The following RNF220 variants were observed in gnomAD, a reference collection of about 807,000 sequenced individuals.
RNF220 encodes E3 ubiquitin-protein ligase RNF220.
In RNF220, 7 loss-of-function variants were observed where a neutral mutation model predicts 67.1. The observed-to-expected ratio is 0.10, with a 90% CI of 0.06 to 0.20. The LOEUF is 0.20. RNF220 is among the 10% of genes least tolerant of loss of function. The pLI is 1.00. For missense variants in RNF220, 565 were observed against 740.3 expected (o/e 0.76, Z 2.75); for synonymous variants, 270 against 283.2 (o/e 0.95, Z 0.47).
At chr1:44,461,617 T>C (rs1653767777) in intron 2 of RNF220, among the ~76,000 whole-genome samples, 1 of 152,230 alleles carries the variant, frequency 6.6e-6, no homozygotes, top group African/African-American at 2.4e-5. Context: ...TGTCCTGGTA[T>C]ATAAATGGCT....
rs761724905 is a variant in RNF220 at position 44,626,443 on chromosome 1, G to A, written c.906+45G>A. 14 of 1,495,638 alleles carry A rather than the reference G, an allele frequency of 9.4e-6. No individual in the cohort carries two copies. The South Asian group carries it at 1.4e-4, about 15-fold the overall frequency. 92.6% of individuals were successfully genotyped at this position (1,495,638 alleles called of 1,614,324 possible). The stretch of plus-strand genomic sequence containing the variant: ...GGCCATGAGAAGCAAGCTCACCTGG[G>A]GGAGGGCTTCAAGAGCCTGCCCGGT... On this transcript the variant is annotated intron_variant, in intron 5 of 14. Transcript: ENST00000361799.
In RNF220 at chr1:44,464,588, G is replaced by C. The variant is rs138635046; in HGVS notation, c.625+51866G>C. On this transcript the variant is annotated intron_variant, in intron 2 of 14. Transcript: ENST00000361799. ...CACATCTGTGTGGCAGAGAAGATGG[G>C]AGGCAGAGGAATGAAGGGAATGGAT... Among the ~76,000 whole-genome samples, 1,240 of 152,296 alleles carry C rather than the reference G, an allele frequency of 8.1e-3. 7 individuals are homozygous for C. Among genetic ancestry groups the C allele is most frequent in the Middle Eastern group, 0.017 (5 of 294 alleles).
intron 2 of RNF220, among the ~76,000 whole-genome samples, chr1:44,453,985 G>A (rs1370870946): frequency 2.0e-5 from 3 of 152,150 alleles, no homozygotes; most frequent in Non-Finnish European, 4.4e-5. Flanking sequence ...TCATCACATG[G>A]CATTCCATTA....
intron 2 of RNF220, among the ~76,000 whole-genome samples, chr1:44,494,537 T>C (rs888294944): frequency 6.6e-6 from 1 of 151,572 alleles, no homozygotes; most frequent in African/African-American, 2.4e-5. Flanking sequence ...GCCACCAAAA[T>C]GAATGAGACA....
chr1:44,590,895 C>T (rs760354027), intron 2 of RNF220, among the ~76,000 whole-genome samples: 49 of 152,186 alleles, frequency 3.2e-4, no homozygotes, highest in Non-Finnish European at 7.3e-5. Flanking sequence ...AACCTTGAAG[C>T]TGAGCCCTGG....
intron 2 of RNF220, among the ~76,000 whole-genome samples, chr1:44,478,378 A>T (rs1316669803): frequency 6.6e-6 from 1 of 151,952 alleles, no homozygotes. Flanking sequence ...CATTCAACAT[A>T]CAGTGGTAGA....
At chr1:44,632,303 C>CTTT (rs778707909) in intron 5 of RNF220, 40 bp from the exon 6 acceptor site, 1 of 1,614,036 alleles carries the variant, frequency 6.2e-7, no homozygotes, top group Non-Finnish European at 8.5e-7. Context: ...GCCTGACGCT[C>CTTT]TCTTTTCTTT....
chr1:44,513,074 A>G (rs1009705752), intron 2 of RNF220, among the ~76,000 whole-genome samples: 6 of 152,178 alleles, frequency 3.9e-5, no homozygotes, highest in African/African-American at 1.4e-4. Flanking sequence ...CACTGCAGCC[A>G]ATCCCTTAAG....
intron 2 of RNF220, among the ~76,000 whole-genome samples, chr1:44,532,917 C>T (rs1470130193): frequency 6.6e-6 from 1 of 152,196 alleles, no homozygotes; most frequent in Non-Finnish European, 1.5e-5. Flanking sequence ...AAGAGGGGAG[C>T]TCCAGCTCCC....
At chr1:44,632,128 G>A in intron 5 of RNF220, 2 of 1,518,666 alleles carry the variant, frequency 1.3e-6, no homozygotes, top group Non-Finnish European at 1.8e-6. Flanking sequence ...CGGCCACGGG[G>A]TCCCGTTAGA....
intron 2 of RNF220, among the ~76,000 whole-genome samples, chr1:44,435,823 G>A (rs777494980): frequency 6.6e-6 from 1 of 152,034 alleles, no homozygotes; most frequent in Non-Finnish European, 1.5e-5. Context: ...CCAGCTACTC[G>A]GGAGGCTGAG....
In RNF220 at chr1:44,528,162, C is replaced by T. The variant is rs185466044; in HGVS notation, c.626-86003C>T. On this transcript the variant is annotated intron_variant, in intron 2 of 14. Coordinates refer to ENST00000361799, the MANE Select transcript of RNF220 (RefSeq NM_018150.4). ...GTCCGTAATATGTAAAGAGTGCTTACAAATCAATAAAAAGCACTAATAGCT... is the reference window on the plus strand; with the variant it reads ...GTCCGTAATATGTAAAGAGTGCTTATAAATCAATAAAAAGCACTAATAGCT... 1.1e-4 allele frequency among the ~76,000 whole-genome samples: 16 copies of T among 151,960 alleles called. 1 individual carries two copies. Among genetic ancestry groups the T allele is most frequent in the Admixed American group, 9.8e-4 (15 of 15,262 alleles).
At position 44,621,857 on chromosome 1, in the gene RNF220, C is replaced by T. The variant is rs1158844361; in HGVS notation, c.759-885C>T. Among the ~76,000 whole-genome samples the T allele has an allele frequency of 6.6e-6, 1 of 152,140 alleles. No homozygotes were observed. Among genetic ancestry groups the T allele is most frequent in the Non-Finnish European group, 1.5e-5 (1 of 68,034 alleles). On this transcript the variant is annotated intron_variant, in intron 3 of 14. Coordinates refer to ENST00000361799, the MANE Select transcript of RNF220 (RefSeq NM_018150.4). The surrounding 1 kb of genome is among the most constrained non-coding windows in gnomAD (Gnocchi z 4.8). ...ACCCTATGTGAATGGGCTGTGTCTG[C>T]CTCCGTGCATTCATCAGCCAGCACT...
intron 6 of RNF220, among the ~76,000 whole-genome samples, chr1:44,633,684 C>T (rs1240189121): frequency 6.6e-6 from 1 of 152,226 alleles, no homozygotes; most frequent in Non-Finnish European, 1.5e-5. Flanking sequence ...TTTCCTTAGT[C>T]ATTGAACATT....
chr1:44,629,039 T>G (rs1644038224), intron 5 of RNF220, among the ~76,000 whole-genome samples: 1 of 152,274 alleles, frequency 6.6e-6, no homozygotes, highest in Non-Finnish European at 1.5e-5. Context: ...CCTGGAGGAC[T>G]GGCTGGGCTG....
chr1:44,503,984 G>C (rs937075933), intron 2 of RNF220, among the ~76,000 whole-genome samples: 21 of 152,104 alleles, frequency 1.4e-4, no homozygotes, highest in African/African-American at 5.1e-4. Context: ...TGAGTAGCTG[G>C]GACTACAGGT....
rs1488301168 is a variant in RNF220, at chr1:44,417,013, T to C, written c.625+4291T>C. On this transcript the variant is annotated intron_variant, in intron 2 of 14. Coordinates refer to ENST00000361799, the MANE Select transcript of RNF220 (RefSeq NM_018150.4). The surrounding 1 kb of genome is among the most constrained non-coding windows in gnomAD (Gnocchi z 4.0). ...GGAGGGCTGGGGTGAGGGGGGATAC[T>C]TTCCAAGGGCTCTGGGACTGGGGTG... is the stretch of plus-strand genomic sequence containing the variant. Among the ~76,000 whole-genome samples the C allele has an allele frequency of 1.3e-5, 2 of 152,148 alleles. No homozygotes were observed. Among genetic ancestry groups the C allele is most frequent in the African/African-American group, 4.8e-5 (2 of 41,432 alleles).
intron 2 of RNF220, among the ~76,000 whole-genome samples, chr1:44,471,258 T>C (rs893734932): frequency 4.6e-5 from 7 of 151,350 alleles, no homozygotes; most frequent in Admixed American, 2.6e-4. Context: ...AAACCCCGTC[T>C]CTACTAAAAA....
chr1:44,621,473 C>A lies in RNF220; in HGVS notation c.759-1269C>A, dbSNP rs1016257354. 2.6e-5 allele frequency among the ~76,000 whole-genome samples: 4 copies of A among 152,170 alleles called. No homozygotes were observed. Among genetic ancestry groups the A allele is most frequent in the Admixed American group, 2.6e-4 (4 of 15,286 alleles). ...TAGGCTGTTTAACATCCTCTACCTA[C>A]TCCATGCCAGTAGCAACCTCCCCTC... On this transcript the variant is annotated intron_variant, in intron 3 of 14. Coordinates refer to ENST00000361799, the MANE Select transcript of RNF220 (RefSeq NM_018150.4). This position sits in a 1 kb window ranked among gnomAD's most constrained non-coding sequence, Gnocchi z 4.8.
Sources: gnomAD v4.1 joint callset for allele counts (sites outside exome capture counted in the v4.1 genomes callset) on GRCh38, gnomAD v4.1.1 for gene constraint, Gnocchi (gnomAD v3.1) non-coding constraint, MANE v1.5 for transcripts, NCBI Gene and HGNC (gene_info 2026-07-23, HGNC 2026-07-21) for gene names.